Variants in COBL observed in about 807,000 individuals in gnomAD.
COBL encodes the protein protein cordon-bleu.
In COBL, 51 loss-of-function variants were observed where a neutral mutation model predicts 98.8. The ratio of observed to expected loss-of-function variants is 0.52; its 90% CI spans 0.41 to 0.65. The LOEUF is 0.65. COBL is among the 30% of genes least tolerant of loss of function. The pLI is 0.00. For synonymous variants in COBL, 634 were observed against 651.7 expected (o/e 0.97, Z 0.41); for missense variants, 1,617 against 1,617.5 (o/e 1.00, Z 0.01).
chr7:51,224,064 A>G (rs1793926769), intron 1 of COBL, among the ~76,000 whole-genome samples: 1 of 152,196 alleles, frequency 6.6e-6, no homozygotes, highest in Non-Finnish European at 1.5e-5. Context: ...ACTTGCCTAC[A>G]GTGTTCAGCA....
intron 2 of COBL, among the ~76,000 whole-genome samples, chr7:51,196,702 A>C (rs1169775516): frequency 6.6e-6 from 1 of 150,606 alleles, no homozygotes; most frequent in Non-Finnish European, 1.5e-5. Flanking sequence ...TCTATTTCAG[A>C]TCTTGTTACT....
chr7:51,255,479 T>C (rs1482556134), intron 1 of COBL, among the ~76,000 whole-genome samples: 1 of 152,202 alleles, frequency 6.6e-6, no homozygotes, highest in Non-Finnish European at 1.5e-5. Context: ...CCAGTTGTCT[T>C]TCATTCCCGC....
In COBL at chr7:51,016,783, T is replaced by C. The variant is rs2128852259; in HGVS notation, c.*768A>G. On this transcript the variant is annotated 3_prime_UTR_variant, in exon 13 of 13. Transcript: ENST00000265136. ...CTATGTCACTTCATAGCCTGGGGAATGGCTGTCCATGTGGGGCACTGCCCA... is the reference window on the plus strand; with the variant it reads ...CTATGTCACTTCATAGCCTGGGGAACGGCTGTCCATGTGGGGCACTGCCCA... The C allele has an allele frequency of 5.0e-6, 2 of 396,886 alleles. No individual in the cohort carries two copies. Among genetic ancestry groups the C allele is most frequent in the East Asian group, 7.1e-5 (2 of 28,044 alleles). The allele number at this position is 396,886 out of a possible 1,614,324, so 24.6% of individuals were successfully genotyped here.
At chr7:51,252,666 C>A (rs1796830240) in intron 1 of COBL, among the ~76,000 whole-genome samples, 1 of 152,184 alleles carries the variant, frequency 6.6e-6, no homozygotes. Flanking sequence ...GTGATTTCTC[C>A]TAGCATTATA....
At chr7:51,290,308 C>A (rs1800771499) in intron 1 of COBL, among the ~76,000 whole-genome samples, 2 of 152,184 alleles carry the variant, frequency 1.3e-5, no homozygotes, top group Non-Finnish European at 2.9e-5. Flanking sequence ...ATTTTGAAAT[C>A]TGACTGCTAA....
chr7:51,250,731 G>A lies in COBL; in HGVS notation c.42-30787C>T, dbSNP rs189903169. ...ATAAATAAAATAACTAAGGTATTAT[G>A]TAAGCTGGAAAAAGGTGGCAGTCCT... On this transcript the variant is annotated intron_variant, in intron 1 of 12. Transcript: ENST00000265136. Among the ~76,000 whole-genome samples, 550 of 152,294 alleles carry A rather than the reference G, an allele frequency of 3.6e-3. 2 individuals carry two copies. Among genetic ancestry groups the A allele is most frequent in the African/African-American group, 0.013 (521 of 41,568 alleles).
chr7:51,279,467 TAG>T (rs1469792697), intron 1 of COBL, among the ~76,000 whole-genome samples: 1 of 152,242 alleles, frequency 6.6e-6, no homozygotes, highest in African/African-American at 2.4e-5. Context: ...TTTTCTAAAA[TAG>T]ACTTTTTTCT....
chr7:51,129,090 C>T (rs1798499147), intron 6 of COBL, among the ~76,000 whole-genome samples: 1 of 152,186 alleles, frequency 6.6e-6, no homozygotes, highest in Non-Finnish European at 1.5e-5. Context: ...AATTCTTTCG[C>T]TATTTGCGCA....
At chr7:51,216,679 A>G (rs1331429341) in intron 2 of COBL, among the ~76,000 whole-genome samples, 2 of 152,222 alleles carry the variant, frequency 1.3e-5, no homozygotes, top group African/African-American at 4.8e-5. Context: ...AGCTAAAAAA[A>G]AAAAATTCAC....
At chr7:51,107,897 C>T (rs1402712515) in intron 6 of COBL, among the ~76,000 whole-genome samples, 1 of 152,194 alleles carries the variant, frequency 6.6e-6, no homozygotes, top group Non-Finnish European at 1.5e-5. Context: ...AAAATATCCC[C>T]CAGTCCAAGA....
At chr7:51,205,626 G>GT (rs11463516) in intron 2 of COBL, among the ~76,000 whole-genome samples, 2,086 of 143,394 alleles carry the variant, frequency 0.015, 44 homozygotes, top group African/African-American at 0.051. Flanking sequence ...TTGTTTGTTT[G>GT]TTTTTGTTTT....
At chr7:51,296,814 T>C (rs960734636) in intron 1 of COBL, among the ~76,000 whole-genome samples, 2 of 152,192 alleles carry the variant, frequency 1.3e-5, no homozygotes, top group African/African-American at 4.8e-5. Context: ...TACAAACACA[T>C]ATTTCTTGAA....
At chr7:51,074,766 G>A (rs964187649) in intron 7 of COBL, among the ~76,000 whole-genome samples, 2 of 152,084 alleles carry the variant, frequency 1.3e-5, no homozygotes, top group South Asian at 2.1e-4. Context: ...ATTCATATTT[G>A]TTACTACTTT....
At chr7:51,214,109 T>C (rs1792766342) in intron 2 of COBL, among the ~76,000 whole-genome samples, 1 of 151,836 alleles carries the variant, frequency 6.6e-6, no homozygotes, top group South Asian at 2.1e-4. Context: ...CTACTAAAAA[T>C]GCAAATATTA....
chr7:51,111,249 C>T (rs1326922371), intron 6 of COBL, among the ~76,000 whole-genome samples: 2 of 152,192 alleles, frequency 1.3e-5, no homozygotes, highest in Non-Finnish European at 2.9e-5. Context: ...AACCCCCATA[C>T]TATTTTTCAT....
At chr7:51,187,592 C>T (rs948910016) in intron 4 of COBL, among the ~76,000 whole-genome samples, 5 of 152,152 alleles carry the variant, frequency 3.3e-5, no homozygotes, top group Non-Finnish European at 7.3e-5. Flanking sequence ...GAAAGGGTGC[C>T]TTTCCTGCGC....
At chr7:51,118,436 C>T (rs1797469496) in intron 6 of COBL, among the ~76,000 whole-genome samples, 1 of 151,972 alleles carries the variant, frequency 6.6e-6, no homozygotes, top group African/African-American at 2.4e-5. Flanking sequence ...GACTGAGAGA[C>T]TTGGCCTTTT....
At chr7:51,298,518 G>A (rs1801622860) in intron 1 of COBL, among the ~76,000 whole-genome samples, 1 of 152,160 alleles carries the variant, frequency 6.6e-6, no homozygotes. Flanking sequence ...GGGGCCACAG[G>A]GCATCCCCCA....
chr7:51,131,632 C>T (rs528828891), intron 6 of COBL, among the ~76,000 whole-genome samples: 12 of 148,812 alleles, frequency 8.1e-5, no homozygotes, highest in Middle Eastern at 3.4e-3. Flanking sequence ...TTCACTCTTT[C>T]GCCCAGGCTA....
Sources: gnomAD v4.1 joint callset for allele counts (sites outside exome capture counted in the v4.1 genomes callset) on GRCh38, gnomAD v4.1.1 for gene constraint, MANE v1.5 for transcripts, NCBI Gene and HGNC (gene_info 2026-07-23, HGNC 2026-07-21) for gene names.